The following WAPL variants were observed in gnomAD, a reference collection of about 807,000 sequenced individuals.
WAPL encodes wings apart-like protein homolog.
In WAPL, 5 loss-of-function variants were observed where a neutral mutation model predicts 121.0. That is an observed-to-expected ratio of 0.04 (90% CI 0.02 to 0.09). The LOEUF is 0.09. Among genes scored for constraint, WAPL ranks in the 10% least tolerant of loss-of-function variants. The pLI is 1.00. For missense variants in WAPL, 999 were observed against 1,410.8 expected (o/e 0.71, Z 4.68); for synonymous variants, 480 against 481.5 (o/e 1.00, Z 0.04).
chr10:86,462,439 G>A (rs1841302281), intron 9 of WAPL, among the ~76,000 whole-genome samples: 1 of 152,146 alleles, frequency 6.6e-6, no homozygotes, highest in Non-Finnish European at 1.5e-5. Context: ...TTCTCGGCCA[G>A]GTGCGGTGGC....
At position 86,467,333 on chromosome 10, in the gene WAPL, G is replaced by A. The variant is rs1370946930; in HGVS notation, c.2316C>T (p.Ile772=). The A allele has an allele frequency of 1.2e-6, 2 of 1,614,004 alleles. No homozygotes were observed. Among genetic ancestry groups the A allele is most frequent in the Middle Eastern group, 1.7e-4 (1 of 6,060 alleles). ...TGTGTACAGTTTCACAGAGCCTTCG[G>A]ATTTTTTCTTTAATTTTGTTCATGT... ...EKDMNKIKEK[I]RRLCETVHNK... Residue 772 remains isoleucine (I), a synonymous_variant, in exon 9 of 19, where the codon ATC becomes ATT. Transcript: ENST00000298767.
intron 2 of WAPL, among the ~76,000 whole-genome samples, chr10:86,509,770 T>C (rs1438626711): frequency 1.3e-5 from 2 of 151,070 alleles, no homozygotes; most frequent in Admixed American, 6.6e-5. Context: ...CTTTGGTTTT[T>C]TTTTTTTTTT....
At position 86,460,593 on chromosome 10, in the gene WAPL, A is replaced by G. The variant is rs999413031; in HGVS notation, c.2483-97T>C. The G allele has an allele frequency of 8.7e-6, 8 of 914,474 alleles. No individual in the cohort carries two copies. In the African/African-American group the frequency reaches 1.2e-4, roughly 13 times the overall value. 56.6% of individuals were successfully genotyped at this position (914,474 alleles called of 1,614,324 possible). A position where few individuals can be genotyped will look rare whatever the true frequency, so the allele number is the denominator to read the frequency against. On this transcript the variant is annotated intron_variant, in intron 10 of 18. Transcript: ENST00000298767. Reference sequence around the variant, plus strand: ...ATTAGAAGCCATCTGTACACACGCTATGAACATGCTGGAACCTCTCTGAAC... The same window carrying G: ...ATTAGAAGCCATCTGTACACACGCTGTGAACATGCTGGAACCTCTCTGAAC...
intron 9 of WAPL, among the ~76,000 whole-genome samples, chr10:86,463,246 G>A (rs561462431): frequency 2.0e-5 from 3 of 152,220 alleles, no homozygotes; most frequent in African/African-American, 7.2e-5. Context: ...AGCTGAGATC[G>A]TGCTACTGCA....
At position 86,446,246 on chromosome 10, in the gene WAPL, A is replaced by G. The variant is rs1369772921; in HGVS notation, c.3318T>C (p.Asn1106=). 3.1e-6 allele frequency: 5 copies of G among 1,614,128 alleles called. No homozygotes were observed. In the Admixed American group the frequency reaches 8.3e-5, roughly 27 times the overall value. Reference sequence around the variant, plus strand: ...CACCATTCAAAGTAAATATACCTTTATTGAGGTCAAGTTCTTCATCCTCCT... The same window carrying G: ...CACCATTCAAAGTAAATATACCTTTGTTGAGGTCAAGTTCTTCATCCTCCT... ...KEEEDEELDL[N]KALQHAGKHM... is the part of the protein sequence containing the mutation. The change falls in exon 16 of 19, where the codon AAT becomes AAC. Residue 1106 remains asparagine (N), a synonymous_variant. Coordinates refer to ENST00000298767, the MANE Select transcript of WAPL (RefSeq NM_015045.5).
intron 14 of WAPL, 53 bp from the exon 15 acceptor site, chr10:86,452,184 T>C: frequency 6.4e-7 from 1 of 1,552,498 alleles, no homozygotes; most frequent in Non-Finnish European, 8.8e-7. Context: ...TTAAAACAAA[T>C]GAACACAATA....
chr10:86,509,576 G>T (rs2132229347), intron 2 of WAPL, among the ~76,000 whole-genome samples: 1 of 152,272 alleles, frequency 6.6e-6, no homozygotes, highest in Middle Eastern at 3.4e-3. Context: ...TGCGAGAAAT[G>T]CAAGTGAGTC....
chr10:86,501,641 A>G (rs1424873649), intron 2 of WAPL, among the ~76,000 whole-genome samples: 2 of 152,230 alleles, frequency 1.3e-5, no homozygotes, highest in African/African-American at 4.8e-5. Flanking sequence ...GATGCTTTAC[A>G]TGGACAGATT....
At chr10:86,454,526 C>A (rs1372154449) in intron 12 of WAPL, among the ~76,000 whole-genome samples, 1 of 152,212 alleles carries the variant, frequency 6.6e-6, no homozygotes, top group African/African-American at 2.4e-5. Flanking sequence ...TGCAGGCGGG[C>A]GCCGCCACAC....
At chr10:86,466,690 T>G in intron 9 of WAPL, among the ~76,000 whole-genome samples, 1 of 10,950 alleles carries the variant, frequency 9.1e-5, no homozygotes, top group South Asian at 3.5e-3. Context: ...AAATTCCTAA[T>G]ATACATGTAG....
At chr10:86,518,121 A>G (rs2132236693) in intron 1 of WAPL, 30 bp from the exon 2 acceptor site, 1 of 1,580,292 alleles carries the variant, frequency 6.3e-7, no homozygotes, top group Non-Finnish European at 8.6e-7. Context: ...AAAACATATA[A>G]TCATCAAATA....
At chr10:86,517,019 C>G (rs1842567768) in intron 2 of WAPL, among the ~76,000 whole-genome samples, 1 of 151,980 alleles carries the variant, frequency 6.6e-6, no homozygotes, top group South Asian at 2.1e-4. Context: ...GGAGGCGGAG[C>G]CAGCATGGGC....
chr10:86,503,432 T>C (rs1842284031), intron 2 of WAPL, among the ~76,000 whole-genome samples: 1 of 151,836 alleles, frequency 6.6e-6, no homozygotes, highest in Non-Finnish European at 1.5e-5. Context: ...AACCTGCCTT[T>C]AAATATCTGA....
At chr10:86,453,549 A>T in intron 13 of WAPL, 107 bp downstream of exon 13, 3 of 1,346,244 alleles carry the variant, frequency 2.2e-6, no homozygotes, top group South Asian at 3.0e-5. Context: ...CAAGTACATT[A>T]TGACAAATAA....
At chr10:86,462,461 T>C (rs896543762) in intron 9 of WAPL, among the ~76,000 whole-genome samples, 3 of 152,084 alleles carry the variant, frequency 2.0e-5, no homozygotes, top group African/African-American at 7.2e-5. Flanking sequence ...CACACCTGTA[T>C]GTAATCCCAG....
intron 17 of WAPL, among the ~76,000 whole-genome samples, chr10:86,442,767 C>A (rs908035274): frequency 2.0e-5 from 3 of 152,080 alleles, no homozygotes; most frequent in Non-Finnish European, 4.4e-5. Flanking sequence ...TGGCCGGGCA[C>A]GGTGGCTCAC....
chr10:86,481,164 C>T (rs2132202657), intron 4 of WAPL, among the ~76,000 whole-genome samples: 1 of 151,606 alleles, frequency 6.6e-6, no homozygotes, highest in African/African-American at 2.4e-5. Context: ...TAAAAAGAAA[C>T]AATTTAAAAG....
At chr10:86,464,787 G>C (rs958868486) in intron 9 of WAPL, among the ~76,000 whole-genome samples, 6 of 151,894 alleles carry the variant, frequency 4.0e-5, no homozygotes, top group African/African-American at 1.2e-4. Context: ...AGTGAGCCGA[G>C]ATCACACCAC....
At position 86,500,484 on chromosome 10, in the gene WAPL, T is replaced by A; in HGVS notation, c.759A>T (p.Leu253Phe). The A allele has an allele frequency of 6.2e-7, 1 of 1,614,234 alleles. No individual in the cohort carries two copies. Among genetic ancestry groups the A allele is most frequent in the South Asian group, 1.1e-5 (1 of 91,088 alleles). ...CCAAAAGGGGATCACTATCCAAACT[T>A]AAAATACAGTCTTCTGATCTGATAT... ...FEDIRSEDCI[L>F]SLDSDPLLEM... The change falls in exon 3 of 19, where the codon TTA becomes TTT. Residue 253 changes from leucine to phenylalanine, a missense_variant. Leu to Phe is a conservative substitution (Grantham distance 22). This residue lies in a region of WAPL where 531 missense variants were observed against 563.1 expected (regional missense o/e 0.94). Coordinates refer to ENST00000298767, the MANE Select transcript of WAPL (RefSeq NM_015045.5).
Sources: gnomAD v4.1 joint callset for allele counts (sites outside exome capture counted in the v4.1 genomes callset) on GRCh38, gnomAD v4.1.1 for gene constraint, gnomAD v4.1.1 regional missense constraint, MANE v1.5 for transcripts, NCBI Gene and HGNC (gene_info 2026-07-23, HGNC 2026-07-21) for gene names.